ERC2: variants seen among roughly 807,000 people sequenced by gnomAD.
ERC2 encodes ELKS/RAB6-interacting/CAST family member 2.
Under a neutral mutation model 114.8 loss-of-function variants are expected in ERC2, and 42 were observed. The observed-to-expected ratio is 0.37, with a 90% CI of 0.29 to 0.47. The LOEUF is 0.47. ERC2 is among the 20% of genes least tolerant of loss of function. The pLI is 0.99. For synonymous variants in ERC2, 454 were observed against 425.5 expected (o/e 1.07, Z -0.82); for missense variants, 939 against 1,150.7 (o/e 0.82, Z 2.66).
intron 2 of ERC2, among the ~76,000 whole-genome samples, chr3:56,336,655 A>G (rs963937892): frequency 6.6e-6 from 1 of 152,054 alleles, no homozygotes; most frequent in African/African-American, 2.4e-5. Flanking sequence ...TTAGCTGAGC[A>G]TGGTGGCAGG....
chr3:55,784,201 A>G (rs4955881), intron 14 of ERC2, among the ~76,000 whole-genome samples: 20,985 of 151,958 alleles, frequency 0.14, 1,649 homozygotes, highest in East Asian at 0.22. Context: ...TGCTTTACAA[A>G]ACCTCAATTT....
At chr3:55,691,172 G>C (rs2062619890) in intron 16 of ERC2, among the ~76,000 whole-genome samples, 1 of 152,070 alleles carries the variant, frequency 6.6e-6, no homozygotes. Context: ...TCACTTTCTA[G>C]TAGTTTTGGG....
chr3:56,285,455 A>G (rs1246596971), intron 3 of ERC2, among the ~76,000 whole-genome samples: 1 of 152,072 alleles, frequency 6.6e-6, no homozygotes, highest in Non-Finnish European at 1.5e-5. Context: ...CACCTTGCCC[A>G]ATCGTCAACC....
At chr3:56,386,958 G>A (rs999653700) in intron 2 of ERC2, among the ~76,000 whole-genome samples, 2 of 152,186 alleles carry the variant, frequency 1.3e-5, no homozygotes, top group Non-Finnish European at 2.9e-5. Flanking sequence ...GCAACAAGGA[G>A]TTGCCTAGAA....
At position 56,467,591 on chromosome 3, in the gene ERC2, C is replaced by CT. The variant is rs529264253; in HGVS notation, c.-141+656dup. Among the ~76,000 whole-genome samples, 67 of 152,112 alleles carry CT rather than the reference C, an allele frequency of 4.4e-4. 1 individual carries two copies. The East Asian group carries it at 0.012, about 28-fold the overall frequency. ...ATTAGGTACACCTTCGTAAGTATCC[C>CT]TTTTTTTGTATAATTAGGAGATGGG... is the stretch of plus-strand genomic sequence containing the variant. On this transcript the variant is annotated intron_variant, in intron 1 of 17. Transcript: ENST00000288221.
At chr3:55,919,599 GA>G (rs2065297396) in intron 13 of ERC2, among the ~76,000 whole-genome samples, 3 of 152,088 alleles carry the variant, frequency 2.0e-5, no homozygotes, top group Admixed American at 1.3e-4. Context: ...TATCTTCAAC[GA>G]ACATGTATTC....
At chr3:56,222,436 G>T (rs2049972791) in intron 3 of ERC2, among the ~76,000 whole-genome samples, 2 of 152,044 alleles carry the variant, frequency 1.3e-5, no homozygotes, top group African/African-American at 2.4e-5. Flanking sequence ...ACCACCTCCT[G>T]CTCCCCCATC....
At chr3:55,569,952 G>C (rs914621873) in intron 17 of ERC2, among the ~76,000 whole-genome samples, 3 of 151,168 alleles carry the variant, frequency 2.0e-5, no homozygotes, top group Non-Finnish European at 4.4e-5. Flanking sequence ...CCACCTCCCG[G>C]GTTCAAGCGA....
chr3:55,600,316 C>T (rs1199402529), intron 17 of ERC2, among the ~76,000 whole-genome samples: 1 of 152,032 alleles, frequency 6.6e-6, no homozygotes, highest in Non-Finnish European at 1.5e-5. Context: ...AAGAGGTAAG[C>T]AGTAGAAATA....
In ERC2 at chr3:56,434,427, C is replaced by T; in HGVS notation, c.581G>A (p.Arg194Lys). 6.2e-7 allele frequency: 1 copy of T among 1,614,028 alleles called. No homozygotes were observed. The highest frequency in any genetic ancestry group is 8.5e-7 in the Non-Finnish European group (1 of 1,179,894). The change falls in exon 2 of 18, where the codon AGA becomes AAA. Residue 194 changes from arginine (R) to lysine (K), a missense_variant. Around this residue, in one of 5 missense-constraint regions of ERC2, gnomAD observed 281 missense variants for 307.4 expected, o/e 0.91. Coordinates refer to ENST00000288221, the MANE Select transcript of ERC2 (RefSeq NM_015576.3). ...CGCTGCCTCTTCTTTCCTCAAGACT[C>T]TCTCCTTCTTAAGCTCAGGACTCCA... ...TFWSPELKKE[R>K]VLRKEEAARM...
rs141997856 is a variant in ERC2, at chr3:56,244,574, A to G, written c.1074+51445T>C. Among the ~76,000 whole-genome samples, 392 of 152,200 alleles carry G rather than the reference A, an allele frequency of 2.6e-3. 1 individual carries two copies. The highest frequency in any genetic ancestry group is 9.1e-3 in the African/African-American group (378 of 41,522). On this transcript the variant is annotated intron_variant, in intron 3 of 17. Transcript: ENST00000288221. ...TGATCCTGATCATGTGCAGGCCTGG[A>G]CTAATGTGTGTGTTTGTGTTTTAGT...
At chr3:55,568,257 C>T (rs191131035) in intron 17 of ERC2, among the ~76,000 whole-genome samples, 22 of 152,260 alleles carry the variant, frequency 1.4e-4, no homozygotes, top group African/African-American at 5.1e-4. Flanking sequence ...GAGGAGCCCA[C>T]GGGTTGGATC....
intron 13 of ERC2, among the ~76,000 whole-genome samples, chr3:55,891,773 C>T (rs2063617998): frequency 6.6e-6 from 1 of 152,128 alleles, no homozygotes; most frequent in South Asian, 2.1e-4. Context: ...TTGCCTCCAT[C>T]TCCCCATCAC....
At chr3:55,625,105 C>T (rs1416870979) in intron 17 of ERC2, among the ~76,000 whole-genome samples, 2 of 152,138 alleles carry the variant, frequency 1.3e-5, no homozygotes, top group African/African-American at 2.4e-5. Flanking sequence ...CGGTGGCTCA[C>T]GCCTGTAATC....
chr3:55,644,126 A>G (rs868082670), intron 17 of ERC2, among the ~76,000 whole-genome samples: 16 of 152,196 alleles, frequency 1.1e-4, no homozygotes, highest in African/African-American at 7.2e-5. Flanking sequence ...TAGAGCATCA[A>G]TGAGCTGTCA....
At chr3:56,012,751 C>T (rs765364847) in intron 8 of ERC2, among the ~76,000 whole-genome samples, 42 of 152,142 alleles carry the variant, frequency 2.8e-4, no homozygotes, top group African/African-American at 8.2e-4. Flanking sequence ...CATATTTCTC[C>T]GTCAATCACA....
chr3:56,122,398 A>T (rs567217811), intron 6 of ERC2, among the ~76,000 whole-genome samples: 42 of 152,328 alleles, frequency 2.8e-4, no homozygotes, highest in African/African-American at 9.4e-4. Context: ...GTGCAACTTC[A>T]GTGTGTTTGG....
chr3:56,173,882 A>G (rs1423435749), intron 3 of ERC2: 2 of 186,994 alleles, frequency 1.1e-5, no homozygotes, highest in Non-Finnish European at 2.2e-5. Flanking sequence ...CACAGCAAGG[A>G]AACAGAGGAA....
intron 14 of ERC2, among the ~76,000 whole-genome samples, chr3:55,799,765 A>G (rs1444280430): frequency 2.6e-5 from 4 of 152,094 alleles, no homozygotes; most frequent in Non-Finnish European, 5.9e-5. Context: ...TTGTTGGAAT[A>G]ATGTTTGCTT....
Sources: gnomAD v4.1 joint callset for allele counts (sites outside exome capture counted in the v4.1 genomes callset) on GRCh38, gnomAD v4.1.1 for gene constraint, gnomAD v4.1.1 regional missense constraint, MANE v1.5 for transcripts, NCBI Gene and HGNC (gene_info 2026-07-23, HGNC 2026-07-21) for gene names.